The following BLVRA variants were observed in gnomAD, a reference collection of about 807,000 sequenced individuals.
The protein encoded by BLVRA is BVR A.
In BLVRA, 22 loss-of-function variants were observed where a neutral mutation model predicts 32.8. The observed-to-expected ratio is 0.67, with a 90% confidence interval of 0.48 to 0.96. The LOEUF is 0.96. Ranked by LOEUF, BLVRA falls within the 40% of genes least tolerant of loss-of-function variation. BLVRA has a pLI of 0.00. For missense variants in BLVRA, 323 were observed against 358.1 expected (o/e 0.90, Z 0.79); for synonymous variants, 119 against 141.3 (o/e 0.84, Z 1.12).
chr7:43,768,248 G>T (rs2132548035), intron 1 of BLVRA, among the ~76,000 whole-genome samples: 1 of 152,308 alleles, frequency 6.6e-6, no homozygotes, highest in East Asian at 1.9e-4. Flanking sequence ...AGACCTTGGA[G>T]ATGAAGTCCA....
intron 2 of BLVRA, among the ~76,000 whole-genome samples, chr7:43,784,553 CT>C (rs1367256671): frequency 6.6e-6 from 1 of 151,828 alleles, no homozygotes; most frequent in African/African-American, 2.4e-5. Flanking sequence ...AGTTCTTCCC[CT>C]AAGAGCAGCT....
chr7:43,779,559 G>A (rs773366991), intron 2 of BLVRA, among the ~76,000 whole-genome samples: 2 of 152,172 alleles, frequency 1.3e-5, no homozygotes, highest in African/African-American at 2.4e-5. Context: ...TCCCTATTAC[G>A]TTATCTTGAC....
At position 43,803,713 on chromosome 7, in the gene BLVRA, A is replaced by T. The variant is rs760502072; in HGVS notation, c.498A>T (p.Ala166=). 8 of 1,613,296 alleles carry T rather than the reference A, an allele frequency of 5.0e-6. No homozygotes were observed. The highest frequency in any genetic ancestry group is 6.8e-6 in the Non-Finnish European group (8 of 1,179,888). The change falls in exon 7 of 8, where the codon GCA becomes GCT. Residue 166 remains alanine (A), a synonymous_variant. Coordinates refer to ENST00000265523, the MANE Select transcript of BLVRA (RefSeq NM_000712.4). ...PLEEERFGFP[A]FSGISRLTWL... is the part of the protein sequence containing the mutation. ...AAGAAGAGCGGTTTGGCTTCCCTGC[A>T]TTCAGCGGCATCTCTCGCCTGACCT... is the stretch of plus-strand genomic sequence containing the variant.
chr7:43,798,197 C>CAAAAA (rs56855757), intron 5 of BLVRA, among the ~76,000 whole-genome samples: 1,258 of 45,148 alleles, frequency 0.028, 143 homozygotes, highest in Middle Eastern at 0.056. Context: ...CCCCATCTCA[C>CAAAAA]AAAAAAAAAA....
At chr7:43,780,691 G>C (rs546229839) in intron 2 of BLVRA, among the ~76,000 whole-genome samples, 42 of 152,292 alleles carry the variant, frequency 2.8e-4, no homozygotes, top group African/African-American at 1.0e-3. Flanking sequence ...CTGTTGTGCT[G>C]TGCAAGGCCC....
intron 2 of BLVRA, among the ~76,000 whole-genome samples, chr7:43,772,383 G>C (rs959364255): frequency 6.6e-6 from 1 of 152,172 alleles, no homozygotes; most frequent in African/African-American, 2.4e-5. Flanking sequence ...TGTCTCCTTC[G>C]GTCTTATTGG....
At chr7:43,786,927 A>ATT (rs35592453) in intron 2 of BLVRA, among the ~76,000 whole-genome samples, 126 of 147,562 alleles carry the variant, frequency 8.5e-4, no homozygotes, top group Non-Finnish European at 1.5e-3. Context: ...CATGGAGATA[A>ATT]TTTTTTTTTT....
At chr7:43,779,350 T>C (rs1248493873) in intron 2 of BLVRA, among the ~76,000 whole-genome samples, 1 of 152,258 alleles carries the variant, frequency 6.6e-6, no homozygotes, top group Admixed American at 6.5e-5. Context: ...TGCAGTTAAT[T>C]TCTCCGTTTT....
At chr7:43,761,503 A>G (rs1156748094) in intron 1 of BLVRA, among the ~76,000 whole-genome samples, 1 of 152,238 alleles carries the variant, frequency 6.6e-6, no homozygotes, top group Non-Finnish European at 1.5e-5. Flanking sequence ...GTTTCTAGAA[A>G]GGTAAACTTG....
At chr7:43,771,401 C>A (rs1336310941) in intron 2 of BLVRA, among the ~76,000 whole-genome samples, 2 of 152,196 alleles carry the variant, frequency 1.3e-5, no homozygotes, top group African/African-American at 2.4e-5. Context: ...TGCAGCTAAT[C>A]CTGAAACAAC....
chr7:43,803,066 C>G (rs541796628), intron 6 of BLVRA, among the ~76,000 whole-genome samples: 2 of 152,256 alleles, frequency 1.3e-5, no homozygotes, highest in Admixed American at 1.3e-4. Flanking sequence ...TTTTTGTTCA[C>G]AAGATTAGGA....
At position 43,784,816 on chromosome 7, in the gene BLVRA, C is replaced by A. The variant is rs181209278; in HGVS notation, c.13-3088C>A. ...AGAGGCAGGGTTTCACTATGTTGGT[C>A]GGGCAAGTCTGGAAACTCCTGACCT... On this transcript the variant is annotated intron_variant, in intron 2 of 7. Coordinates refer to ENST00000265523, the MANE Select transcript of BLVRA (RefSeq NM_000712.4). 3.7e-4 allele frequency among the ~76,000 whole-genome samples: 56 copies of A among 152,098 alleles called. No homozygotes were observed. The East Asian group carries it at 0.01, about 28-fold the overall frequency.
rs17245827 is a variant in BLVRA at position 43,770,258 on chromosome 7, C to A, written c.-21-880C>A. Among the ~76,000 whole-genome samples the A allele has an allele frequency of 2.5e-3, 374 of 152,252 alleles. 1 individual carries two copies. The highest frequency in any genetic ancestry group is 8.4e-3 in the African/African-American group (348 of 41,542). ...ACCTCTGGTTATCCATTTGCCTGAC[C>A]TTTCCTGCCCAGTTTTAGTTAAAAT... On this transcript the variant is annotated intron_variant, in intron 1 of 7. Coordinates refer to ENST00000265523, the MANE Select transcript of BLVRA (RefSeq NM_000712.4).
chr7:43,795,575 G>C (rs1350921814), intron 5 of BLVRA, among the ~76,000 whole-genome samples: 2 of 151,984 alleles, frequency 1.3e-5, no homozygotes, highest in African/African-American at 4.8e-5. Flanking sequence ...AGAGAGAAGT[G>C]GATAGTTGTA....
chr7:43,778,360 C>T (rs965583637), intron 2 of BLVRA, among the ~76,000 whole-genome samples: 1 of 152,226 alleles, frequency 6.6e-6, no homozygotes, highest in Non-Finnish European at 1.5e-5. Flanking sequence ...TTCCTTCTAA[C>T]AGACAGGACC....
chr7:43,788,207 G>T (rs1211487748), intron 3 of BLVRA, among the ~76,000 whole-genome samples, 182 bp downstream of exon 3: 1 of 152,176 alleles, frequency 6.6e-6, no homozygotes, highest in Non-Finnish European at 1.5e-5. Context: ...AAGCTTGCTG[G>T]GCCTGCAGCT....
At chr7:43,778,748 C>T (rs534910842) in intron 2 of BLVRA, among the ~76,000 whole-genome samples, 2 of 152,354 alleles carry the variant, frequency 1.3e-5, no homozygotes, top group Admixed American at 6.5e-5. Context: ...CTGTGCCCTG[C>T]CCCCAGAGGT....
intron 7 of BLVRA, among the ~76,000 whole-genome samples, chr7:43,806,519 G>C (rs1021134591): frequency 3.3e-5 from 5 of 152,030 alleles, no homozygotes; most frequent in Admixed American, 3.3e-4. Context: ...AGGCAGGTGG[G>C]TCTCTTGAGG....
Position 43,803,745 on chromosome 7 carries a change from T to C in BLVRA, c.530T>C (p.Val177Ala), listed in dbSNP as rs752304652. 1 of 1,614,136 alleles carries C rather than the reference T, an allele frequency of 6.2e-7. No individual in the cohort carries two copies. Among genetic ancestry groups the C allele is most frequent in the African/African-American group, 1.3e-5 (1 of 75,036 alleles). ...GGCATCTCTCGCCTGACCTGGCTGGTCTCCCTCTTTGGGGAGCTTTCTCTT... is the reference window on the plus strand; with the variant it reads ...GGCATCTCTCGCCTGACCTGGCTGGCCTCCCTCTTTGGGGAGCTTTCTCTT... ...FSGISRLTWL[V>A]SLFGELSLVS... Residue 177 changes from valine (V) to alanine (A), a missense_variant, in exon 7 of 8, where the codon GTC becomes GCC. Coordinates refer to ENST00000265523, the MANE Select transcript of BLVRA (RefSeq NM_000712.4).
Sources: allele counts gnomAD v4.1 joint callset (sites outside exome capture counted in the v4.1 genomes callset), GRCh38; gene constraint gnomAD v4.1.1; transcripts MANE v1.5; gene names NCBI Gene and HGNC (gene_info 2026-07-23, HGNC 2026-07-21).